PARK7: variants seen among roughly 807,000 people sequenced by gnomAD.
The protein encoded by PARK7 is Parkinson disease protein 7.
Under a neutral mutation model 20.5 loss-of-function variants are expected in PARK7, and 14 were observed. The ratio of observed to expected loss-of-function variants is 0.68; its 90% CI spans 0.45 to 1.07. PARK7 has a LOEUF of 1.07. Ranked by LOEUF, PARK7 falls within the 50% of genes least tolerant of loss-of-function variation. PARK7 has a pLI of 0.00. For missense variants in PARK7, 234 were observed against 238.1 expected (o/e 0.98, Z 0.11); for synonymous variants, 98 against 84.3 (o/e 1.16, Z -0.89).
intron 3 of PARK7, among the ~76,000 whole-genome samples, chr1:7,967,846 G>A (rs527658726): frequency 6.6e-6 from 1 of 152,284 alleles, no homozygotes; most frequent in African/African-American, 2.4e-5. Context: ...CTTGAGCCCA[G>A]GAGTTCAAGG....
At chr1:7,962,547 C>T (rs1404584127) in intron 1 of PARK7, among the ~76,000 whole-genome samples, 2 of 152,024 alleles carry the variant, frequency 1.3e-5, no homozygotes, top group African/African-American at 2.4e-5. Context: ...CTTTTAGCAC[C>T]CTCATTATGT....
At chr1:7,962,740 C>CTTTT in intron 1 of PARK7, 23 bp from the exon 2 acceptor site, 39 of 1,153,026 alleles carry the variant, frequency 3.4e-5, no homozygotes, top group Middle Eastern at 2.8e-4. Context: ...TTTTTGAAAT[C>CTTTT]TTTTTTTTTT....
intron 6 of PARK7, among the ~76,000 whole-genome samples, chr1:7,982,060 C>T (rs1640723442): frequency 6.7e-6 from 1 of 149,900 alleles, no homozygotes; most frequent in South Asian, 2.1e-4. Context: ...CTGCAACCTC[C>T]GCCTCCCGGG....
In PARK7 at chr1:7,974,863, T is replaced by G. The variant is rs542872978; in HGVS notation, c.323-2789T>G. ...AAAAATAAGATTCTTTTTTTTTTTT[T>G]TTTTTGTTGAAATGGGAGCTTTGCT... On this transcript the variant is annotated intron_variant, in intron 5 of 6. Transcript: ENST00000338639. Among the ~76,000 whole-genome samples the G allele has an allele frequency of 7.2e-3, 1,093 of 150,784 alleles. 12 individuals are homozygous for G. Among genetic ancestry groups the G allele is most frequent in the African/African-American group, 0.026 (1,050 of 41,164 alleles).
At chr1:7,975,603 A>G (rs1640568243) in intron 5 of PARK7, among the ~76,000 whole-genome samples, 1 of 152,238 alleles carries the variant, frequency 6.6e-6, no homozygotes, top group Non-Finnish European at 1.5e-5. Flanking sequence ...CTGACGCCCC[A>G]GAAAGCAGTG....
Position 7,985,418 on chromosome 1 carries a change from G to A in PARK7, c.*364G>A, listed in dbSNP as rs200935436. ...CACATTTTACACAGCAAGGAGGAAA[G>A]GCATACAAACAGAATTTAAGAGGCT... On this transcript the variant is annotated 3_prime_UTR_variant, in exon 7 of 7. Transcript: ENST00000338639. 117 of 311,014 alleles carry A rather than the reference G, an allele frequency of 3.8e-4. No homozygotes were observed. In the East Asian group the frequency reaches 5.8e-3, roughly 15 times the overall value. 19.3% of individuals were successfully genotyped at this position (311,014 alleles called of 1,614,324 possible).
chr1:7,970,999 T>C (rs1640454515), intron 5 of PARK7, 36 bp downstream of exon 5: 2 of 1,609,418 alleles, frequency 1.2e-6, no homozygotes, highest in Non-Finnish European at 1.7e-6. Flanking sequence ...GCAGCGTCAT[T>C]GGTGGGTGGG....
At chr1:7,972,245 T>G (rs1640480850) in intron 5 of PARK7, among the ~76,000 whole-genome samples, 2 of 152,128 alleles carry the variant, frequency 1.3e-5, no homozygotes, top group South Asian at 4.1e-4. Flanking sequence ...AAGGATCTCT[T>G]GAAAGCCAGG....
In PARK7 at chr1:7,973,056, G is replaced by T. The variant is rs1039708253; in HGVS notation, c.322+2093G>T. ...CACAGCAAGACTGTCTCAAAAAAAAGTAATAATTTTTAATATGGCAGATGT... is the reference window on the plus strand; with the variant it reads ...CACAGCAAGACTGTCTCAAAAAAAATTAATAATTTTTAATATGGCAGATGT... On this transcript the variant is annotated intron_variant, in intron 5 of 6. Transcript: ENST00000338639. Among the ~76,000 whole-genome samples, 3 of 151,450 alleles carry T rather than the reference G, an allele frequency of 2.0e-5. No homozygotes were observed. In the East Asian group the frequency reaches 5.8e-4, roughly 29 times the overall value.
intron 3 of PARK7, chr1:7,969,051 T>C: frequency 3.0e-6 from 1 of 328,540 alleles, no homozygotes; most frequent in Non-Finnish European, 5.7e-6. Context: ...CGCATACATC[T>C]ACACACAAAT....
At chr1:7,978,839 C>T (rs1336196891) in intron 6 of PARK7, among the ~76,000 whole-genome samples, 13 of 118,726 alleles carry the variant, frequency 1.1e-4, no homozygotes, top group African/African-American at 4.1e-4. Flanking sequence ...AAAGCAAGAC[C>T]CTATCAAAAA....
At chr1:7,981,849 G>A (rs1276379259) in intron 6 of PARK7, among the ~76,000 whole-genome samples, 10 of 151,596 alleles carry the variant, frequency 6.6e-5, no homozygotes, top group African/African-American at 1.7e-4. Context: ...TAGTAGAGAC[G>A]GGGTTTCATC....
chr1:7,974,981 G>A (rs1400773930), intron 5 of PARK7, among the ~76,000 whole-genome samples: 2 of 151,076 alleles, frequency 1.3e-5, no homozygotes, highest in Non-Finnish European at 2.9e-5. Context: ...TCAGGCTCCC[G>A]AGTAGCTAGA....
rs767091429 is a variant in PARK7 at position 7,969,326 on chromosome 1, A to G, written c.193-19A>G. ...GAAATGAAATGTTTTTGTTTTCTTT[A>G]TGTTTTAAACTGTTACAGGGACCAT... On this transcript the variant is annotated intron_variant, in intron 3 of 6. Coordinates refer to ENST00000338639, the MANE Select transcript of PARK7 (RefSeq NM_007262.5). 2 of 1,595,906 alleles carry G rather than the reference A, an allele frequency of 1.3e-6. No individual in the cohort carries two copies. Among genetic ancestry groups the G allele is most frequent in the Non-Finnish European group, 1.7e-6 (2 of 1,168,496 alleles).
At chr1:7,976,963 A>G (rs1640595526) in intron 5 of PARK7, among the ~76,000 whole-genome samples, 1 of 152,168 alleles carries the variant, frequency 6.6e-6, no homozygotes, top group Admixed American at 6.6e-5. Context: ...CTCATGATCC[A>G]GCCGCCTTGG....
intron 2 of PARK7, among the ~76,000 whole-genome samples, chr1:7,964,388 GC>G (rs1161088135): frequency 6.6e-6 from 1 of 152,110 alleles, no homozygotes; most frequent in Admixed American, 6.6e-5. Context: ...AGGCAGCCTG[GC>G]CCCAGAGTCT....
chr1:7,964,049 G>T (rs144251269), intron 2 of PARK7, among the ~76,000 whole-genome samples: 1 of 152,088 alleles, frequency 6.6e-6, no homozygotes, highest in African/African-American at 2.4e-5. Flanking sequence ...TCTTGACCTC[G>T]TGATCCACCC....
Position 7,965,450 on chromosome 1 carries a change from T to C in PARK7, c.192+25T>C, listed in dbSNP as rs181858298. The C allele has an allele frequency of 4.5e-6, 7 of 1,571,708 alleles. No individual in the cohort carries two copies. In the Admixed American group the frequency reaches 1.2e-4, roughly 26 times the overall value. ...GGTTTGTAATCCATACATGGAGTTA[T>C]TCCTTCATATGGCTTCTTTGTTTCT... On this transcript the variant is annotated intron_variant, in intron 3 of 6. Transcript: ENST00000338639.
chr1:7,976,952 C>G (rs1640595383), intron 5 of PARK7, among the ~76,000 whole-genome samples: 1 of 152,172 alleles, frequency 6.6e-6, no homozygotes, highest in South Asian at 2.1e-4. Flanking sequence ...GATCTCCTGA[C>G]CTCATGATCC....
Sources: allele counts gnomAD v4.1 joint callset (sites outside exome capture counted in the v4.1 genomes callset), GRCh38; gene constraint gnomAD v4.1.1; transcripts MANE v1.5; gene names NCBI Gene and HGNC (gene_info 2026-07-23, HGNC 2026-07-21).